C6orf89: variants seen among roughly 807,000 people sequenced by gnomAD.
C6orf89 encodes bombesin receptor-activated protein C6orf89.
A neutral mutation model predicts 40.7 loss-of-function variants in C6orf89; 29 were observed. That is an observed-to-expected ratio of 0.71 (90% CI 0.53 to 0.97). The LOEUF (loss-of-function observed/expected upper bound fraction) is 0.97, where lower values mean the gene tolerates loss of function less well. Among genes scored for constraint, C6orf89 ranks in the 50% least tolerant of loss-of-function variants. C6orf89 has a pLI of 0.00. For synonymous variants in C6orf89, 165 were observed against 152.2 expected, an observed-to-expected ratio of 1.08 and a Z score of -0.62; for missense variants, 392 against 429.1, an observed-to-expected ratio of 0.91 and a Z score of 0.76.
Position 36,928,059 on chromosome 6 carries a change from C to T in C6orf89, c.*4618C>T, listed in dbSNP as rs1046578. 45,912 of 152,154 alleles carry T rather than the reference C, an allele frequency of 0.3. 8,203 individuals are homozygous for T. Among genetic ancestry groups the T allele is most frequent in the African/African-American group, 0.5 (20,600 of 41,440 alleles). 9.4% of individuals were successfully genotyped at this position (152,154 alleles called of 1,614,324 possible). ...CCCTGCATAATTTAAGCATTAGTGC[C>T]AAATACATCTGTCATATTCCTCTCC... On this transcript the variant is annotated 3_prime_UTR_variant, in exon 9 of 9. Coordinates refer to ENST00000480824, the MANE Select transcript of C6orf89 (RefSeq NM_001286635.2).
rs962474224 is a variant in C6orf89, at chr6:36,885,977, G to A, written c.-171G>A. The A allele has an allele frequency of 2.4e-5, 30 of 1,258,960 alleles. No individual in the cohort carries two copies. In the Admixed American group the frequency reaches 3.0e-4, roughly 13 times the overall value. The allele number at this position is 1,258,960 out of a possible 1,614,324, so 78.0% of individuals were successfully genotyped here. On this transcript the variant is annotated 5_prime_UTR_variant, in exon 1 of 9. Coordinates refer to ENST00000480824, the MANE Select transcript of C6orf89 (RefSeq NM_001286635.2). ...AGGAAGTTGCCCATCCTCCTCGCCCGGCGGCAGCTGTCCCCGAGGCGGGAG... is the reference window on the plus strand; with the variant it reads ...AGGAAGTTGCCCATCCTCCTCGCCCAGCGGCAGCTGTCCCCGAGGCGGGAG...
chr6:36,876,017 C>T (rs1003663968), intron 1 of C6orf89, among the ~76,000 whole-genome samples: 2 of 152,204 alleles, frequency 1.3e-5, no homozygotes, highest in African/African-American at 2.4e-5. Context: ...GAATAATGAA[C>T]GGAACACTAC....
At position 36,902,265 on chromosome 6, in the gene C6orf89, G is replaced by C. The variant is rs772372209; in HGVS notation, c.234G>C (p.Val78=). ...TAATCTTGCTCACTGCCTACTTTGT[G>C]ATTCAACCTTTCAGCCCATTAGCAC... ...LGLILLTAYF[V]IQPFSPLAPE... Residue 78 remains valine (V), a synonymous_variant, in exon 4 of 9, where the codon GTG becomes GTC. Transcript: ENST00000480824. 1 of 1,614,106 alleles carries C rather than the reference G, an allele frequency of 6.2e-7. No individual in the cohort carries two copies. Among genetic ancestry groups the C allele is most frequent in the East Asian group, 2.2e-5 (1 of 44,884 alleles).
In C6orf89 at chr6:36,880,779, G is replaced by T. The variant is rs139740053; in HGVS notation, c.-503+1647G>T. On this transcript the variant is annotated intron_variant, in intron 2 of 9. Coordinates refer to the C6orf89 transcript ENST00000359359. Reference sequence around the variant, plus strand: ...CTATACAAAGGCTATAAAGAAAATAGATTTCATTAAGAAAGGATGTTGTAT... The same window carrying T: ...CTATACAAAGGCTATAAAGAAAATATATTTCATTAAGAAAGGATGTTGTAT... Among the ~76,000 whole-genome samples, 102 of 152,294 alleles carry T rather than the reference G, an allele frequency of 6.7e-4. 3 individuals are homozygous for T. The East Asian group carries it at 0.018, about 26-fold the overall frequency.
At chr6:36,900,625 A>G (rs1761641657) in intron 3 of C6orf89, among the ~76,000 whole-genome samples, 1 of 150,918 alleles carries the variant, frequency 6.6e-6, no homozygotes, top group South Asian at 2.1e-4. Flanking sequence ...TCAGCCTCCC[A>G]AGTACCTAGG....
At chr6:36,874,909 A>AAG in intron 1 of C6orf89, 1 of 937,648 alleles carries the variant, frequency 1.1e-6, no homozygotes, top group Non-Finnish European at 1.6e-6. Context: ...GACAAGGAAG[A>AAG]GGACGGTCCC....
At chr6:36,882,761 C>T (rs1173152924), upstream of C6orf89, among the ~76,000 whole-genome samples, 3 of 132,632 alleles carry the variant, frequency 2.3e-5, no homozygotes, top group Non-Finnish European at 4.6e-5. Flanking sequence ...GACGGAGTCT[C>T]GCTCTGTCGC....
Position 36,907,967 on chromosome 6 carries a change from A to C in C6orf89, c.403+5533A>C, listed in dbSNP as rs116216774. Reference sequence around the variant, plus strand: ...CAGCCAGTTGTATAGAGAACACGTCAGACAAAACCTTTTCAGATGGACAGA... The same window carrying C: ...CAGCCAGTTGTATAGAGAACACGTCCGACAAAACCTTTTCAGATGGACAGA... On this transcript the variant is annotated intron_variant, in intron 4 of 8. Transcript: ENST00000480824. Among the ~76,000 whole-genome samples, 520 of 152,314 alleles carry C rather than the reference A, an allele frequency of 3.4e-3. 4 individuals carry two copies. Among genetic ancestry groups the C allele is most frequent in the African/African-American group, 9.8e-3 (409 of 41,574 alleles).
intron 4 of C6orf89, among the ~76,000 whole-genome samples, chr6:36,907,340 G>C (rs1165461726): frequency 6.6e-6 from 1 of 151,612 alleles, no homozygotes; most frequent in Non-Finnish European, 1.5e-5. Context: ...CTATGTAACA[G>C]TACTCTCCCC....
At chr6:36,914,803 A>G in intron 6 of C6orf89, 110 bp downstream of exon 6, 1 of 1,286,708 alleles carries the variant, frequency 7.8e-7, no homozygotes, top group Non-Finnish European at 1.1e-6. Flanking sequence ...CAGCCTGGCC[A>G]ACATGGCAAA....
chr6:36,886,139 C>A (rs573616845), intron 1 of C6orf89, 111 bp downstream of exon 1: 2 of 974,540 alleles, frequency 2.1e-6, no homozygotes. Context: ...CTACCACCCT[C>A]TATCCCAGCG....
At chr6:36,921,102 C>T (rs1352213928) in intron 8 of C6orf89, among the ~76,000 whole-genome samples, 2 of 151,860 alleles carry the variant, frequency 1.3e-5, no homozygotes, top group Non-Finnish European at 2.9e-5. Context: ...GGTTTGTTGA[C>T]TAGAAAGAAA....
At chr6:36,897,489 T>C (rs1285828567) in intron 2 of C6orf89, among the ~76,000 whole-genome samples, 14 of 152,374 alleles carry the variant, frequency 9.2e-5, no homozygotes, top group East Asian at 5.8e-4. Flanking sequence ...GTCTCAACTG[T>C]AGTTTGTACT....
intron 2 of C6orf89, among the ~76,000 whole-genome samples, chr6:36,898,278 CTTTTCT>C: frequency 7.8e-6 from 1 of 127,472 alleles, no homozygotes; most frequent in South Asian, 2.6e-4. Context: ...CTTTTCTTTT[CTTTTCT>C]TTTTTTTTTT....
intron 4 of C6orf89, among the ~76,000 whole-genome samples, chr6:36,908,048 A>G (rs1417663844): frequency 1.3e-5 from 2 of 152,130 alleles, no homozygotes; most frequent in Admixed American, 6.6e-5. Context: ...CTGTGGGGAG[A>G]GGAAGAGGAG....
rs191265683 is a variant in C6orf89 at position 36,891,664 on chromosome 6, C to T, written c.-119-2840C>T. On this transcript the variant is annotated intron_variant, in intron 1 of 8. Coordinates refer to ENST00000480824, the MANE Select transcript of C6orf89 (RefSeq NM_001286635.2). ...TGGATAAAATAGAATGGAATATATT[C>T]ATAACACTAAAGAATGGATACCATA... Among the ~76,000 whole-genome samples the T allele has an allele frequency of 1.3e-4, 20 of 152,214 alleles. No homozygotes were observed. The East Asian group carries it at 3.5e-3, about 26-fold the overall frequency.
Position 36,908,088 on chromosome 6 carries a change from C to T in C6orf89, c.403+5654C>T, listed in dbSNP as rs371241670. Among the ~76,000 whole-genome samples the T allele has an allele frequency of 6.6e-5, 10 of 152,328 alleles. 1 individual carries two copies. The highest frequency in any genetic ancestry group is 5.8e-4 in the East Asian group (3 of 5,196). On this transcript the variant is annotated intron_variant, in intron 4 of 8. Coordinates refer to ENST00000480824, the MANE Select transcript of C6orf89 (RefSeq NM_001286635.2). ...CACCCTACCTCCACCCCTAGTTCAC[C>T]GTTTGCCCGTTCCTCTCTCTAAGCT...
chr6:36,893,006 C>A (rs1583156816), intron 1 of C6orf89: 1 of 151,958 alleles, frequency 6.6e-6, no homozygotes, highest in East Asian at 1.9e-4. Flanking sequence ...GCAATCTCTG[C>A]TCACTGCAAG....
chr6:36,910,403 A>G (rs1181072931), intron 4 of C6orf89, among the ~76,000 whole-genome samples: 1 of 152,064 alleles, frequency 6.6e-6, no homozygotes, highest in African/African-American at 2.4e-5. Flanking sequence ...TATTGAATCT[A>G]CCCTTTCCTC....
Sources: gnomAD v4.1 joint callset for allele counts (sites outside exome capture counted in the v4.1 genomes callset) on GRCh38, gnomAD v4.1.1 for gene constraint, MANE v1.5 for transcripts, NCBI Gene and HGNC (gene_info 2026-07-23, HGNC 2026-07-21) for gene names.